The following NCKAP5 variants were observed in gnomAD, a reference collection of about 807,000 sequenced individuals.
The protein encoded by NCKAP5 is NCK associated protein 5, also known as nck-associated protein 5.
A neutral mutation model predicts 167.0 loss-of-function variants in NCKAP5; 92 were observed. That is an observed-to-expected ratio of 0.55 (90% CI 0.47 to 0.66). The LOEUF (loss-of-function observed/expected upper bound fraction) is 0.66. Among genes scored for constraint, NCKAP5 ranks in the 30% least tolerant of loss-of-function variants. NCKAP5 has a pLI of 0.00. For missense variants in NCKAP5, 2,378 were observed against 2,315.0 expected (o/e 1.03, Z -0.56); for synonymous variants, 891 against 877.4 (o/e 1.02, Z -0.27).
chr2:132,911,028 C>A, intron 8 of NCKAP5: 1 of 186,574 alleles, frequency 5.4e-6, no homozygotes, highest in South Asian at 1.2e-4. Context: ...GCCATGTTGT[C>A]TTCTGACCGA....
chr2:133,446,734 C>G (rs903066548), intron 3 of NCKAP5, among the ~76,000 whole-genome samples: 2 of 152,048 alleles, frequency 1.3e-5, no homozygotes, highest in Non-Finnish European at 2.9e-5. Flanking sequence ...AGAAGAGTAA[C>G]CAAAGCTAAG....
intron 5 of NCKAP5, among the ~76,000 whole-genome samples, chr2:133,195,773 C>A (rs1163704284): frequency 6.6e-6 from 1 of 152,032 alleles, no homozygotes; most frequent in African/African-American, 2.4e-5. Flanking sequence ...ACAAATGGTA[C>A]TGAAATAACT....
chr2:132,952,778 A>G (rs2076227302), intron 8 of NCKAP5, among the ~76,000 whole-genome samples: 1 of 152,206 alleles, frequency 6.6e-6, no homozygotes, highest in Non-Finnish European at 1.5e-5. Context: ...GTATTTTTCT[A>G]CACTCCAAAG....
intron 9 of NCKAP5, among the ~76,000 whole-genome samples, chr2:132,869,460 G>A (rs910707653): frequency 1.3e-5 from 2 of 152,150 alleles, no homozygotes; most frequent in Non-Finnish European, 1.5e-5. Context: ...TGTTTCCTAT[G>A]TGTCCTGCTT....
intron 3 of NCKAP5, among the ~76,000 whole-genome samples, chr2:133,489,932 C>T (rs1660793499): frequency 6.6e-6 from 1 of 152,116 alleles, no homozygotes; most frequent in African/African-American, 2.4e-5. Flanking sequence ...TCAGATTTCA[C>T]ACCAGGAACT....
intron 6 of NCKAP5, among the ~76,000 whole-genome samples, chr2:133,106,251 C>A (rs1436893325): frequency 7.0e-6 from 1 of 142,828 alleles, no homozygotes; most frequent in Admixed American, 7.1e-5. Context: ...CGAGATGCCA[C>A]CATTGCACTC....
At chr2:133,574,603 CTTTTTTTTT>C in the NCKAP5 span, among the ~76,000 whole-genome samples, 37 of 127,222 alleles carry the variant, frequency 2.9e-4, no homozygotes, top group African/African-American at 8.5e-4. Context: ...TTCTTCTTTC[CTTTTTTTTT>C]TTTTTTTTTT....
At chr2:133,362,748 T>TTTGTTG (rs80322357) in intron 3 of NCKAP5, among the ~76,000 whole-genome samples, 46 of 151,286 alleles carry the variant, frequency 3.0e-4, no homozygotes, top group African/African-American at 9.7e-4. Flanking sequence ...CATGTATTTC[T>TTTGTTG]TTGTTGTTGT....
the NCKAP5 span, among the ~76,000 whole-genome samples, chr2:133,593,555 C>G: frequency 1.3e-5 from 2 of 152,018 alleles, no homozygotes; most frequent in Admixed American, 6.5e-5. Flanking sequence ...TTTTTATTCT[C>G]TTTTTGCCGA....
intron 6 of NCKAP5, among the ~76,000 whole-genome samples, chr2:133,082,210 T>C (rs933459996): frequency 6.6e-6 from 1 of 152,082 alleles, no homozygotes; most frequent in African/African-American, 2.4e-5. Context: ...GGTACATTAA[T>C]AAATAAATTT....
rs1686957681 is a variant in NCKAP5, at chr2:133,548,496, C to T, written c.-62+10554G>A. ...CCAGAGAGAAAGGTCGGGTTACCCT[C>T]AAAGGGAAGCCCATCAGACTAACAG... On this transcript the variant is annotated intron_variant, in intron 2 of 19. Transcript: ENST00000409261. 2.6e-5 allele frequency among the ~76,000 whole-genome samples: 4 copies of T among 151,654 alleles called. No homozygotes were observed. In the South Asian group the frequency reaches 8.4e-4, roughly 32 times the overall value.
chr2:133,435,592 A>T (rs1690423242), intron 3 of NCKAP5, among the ~76,000 whole-genome samples: 1 of 152,184 alleles, frequency 6.6e-6, no homozygotes, highest in Non-Finnish European at 1.5e-5. Context: ...CAAGAGAAAG[A>T]GGGAGAGAGT....
At chr2:133,033,838 AT>A (rs1249774344) in intron 6 of NCKAP5, among the ~76,000 whole-genome samples, 1 of 152,020 alleles carries the variant, frequency 6.6e-6, no homozygotes, top group Non-Finnish European at 1.5e-5. Flanking sequence ...AGAAAAAAGA[AT>A]AAAAAAACAA....
intron 7 of NCKAP5, among the ~76,000 whole-genome samples, chr2:132,986,541 C>A (rs537950894): frequency 2.6e-4 from 39 of 152,264 alleles, no homozygotes; most frequent in African/African-American, 9.1e-4. Context: ...CTTTCCAGTT[C>A]TTGAAAACCA....
At chr2:132,807,016 C>T (rs1012675660) in intron 11 of NCKAP5, among the ~76,000 whole-genome samples, 25 of 152,140 alleles carry the variant, frequency 1.6e-4, no homozygotes, top group African/African-American at 4.6e-4. Context: ...AAAAGGGTGT[C>T]TTCTCCCCAC....
At chr2:133,043,622 C>T (rs542299577) in intron 6 of NCKAP5, among the ~76,000 whole-genome samples, 1 of 152,250 alleles carries the variant, frequency 6.6e-6, no homozygotes, top group East Asian at 1.9e-4. Context: ...GCCCAAGGGC[C>T]ACAGGTTAGA....
chr2:133,050,944 T>C (rs2079582094), intron 6 of NCKAP5, among the ~76,000 whole-genome samples: 1 of 152,244 alleles, frequency 6.6e-6, no homozygotes, highest in South Asian at 2.1e-4. Context: ...TGAACGCATG[T>C]GTGAAATTCT....
At chr2:133,457,420 C>T (rs1007442530) in intron 3 of NCKAP5, among the ~76,000 whole-genome samples, 1 of 152,000 alleles carries the variant, frequency 6.6e-6, no homozygotes, top group Admixed American at 6.6e-5. Flanking sequence ...GAGAAAGATG[C>T]CCACAGAAAC....
intron 6 of NCKAP5, chr2:133,118,349 T>G (rs1024750824): frequency 6.6e-6 from 1 of 152,110 alleles, no homozygotes; most frequent in African/African-American, 2.4e-5. Context: ...TACAGTATTA[T>G]CTAAGTGGAA....
Sources: allele counts gnomAD v4.1 joint callset (sites outside exome capture counted in the v4.1 genomes callset), GRCh38; gene constraint gnomAD v4.1.1; transcripts MANE v1.5; gene names NCBI Gene and HGNC (gene_info 2026-07-23, HGNC 2026-07-21).